Variants in ROCK2 observed in about 807,000 individuals in gnomAD.
ROCK2 encodes Rho associated coiled-coil containing protein kinase 2.
ROCK2 carries 61 observed loss-of-function variants against 195.1 expected under a neutral mutation model. The ratio of observed to expected loss-of-function variants is 0.31; its 90% CI spans 0.25 to 0.39. The LOEUF is 0.39. ROCK2 is among the 10% of genes least tolerant of loss of function. ROCK2 has a pLI of 1.00. For missense variants in ROCK2, 1,109 were observed against 1,637.4 expected (o/e 0.68, Z 5.57); for synonymous variants, 504 against 545.5 (o/e 0.92, Z 1.06).
At chr2:11,305,693 G>A (rs1347783405) in intron 1 of ROCK2, among the ~76,000 whole-genome samples, 1 of 152,132 alleles carries the variant, frequency 6.6e-6, no homozygotes, top group Non-Finnish European at 1.5e-5. Flanking sequence ...TGCCAAAAAG[G>A]AAGGAAGTGC....
chr2:11,291,529 C>A (rs752620637), intron 1 of ROCK2, among the ~76,000 whole-genome samples: 1 of 149,894 alleles, frequency 6.7e-6, no homozygotes, highest in Non-Finnish European at 1.5e-5. Context: ...CCAGCCTGAG[C>A]GACAGACCAA....
At chr2:11,254,529 T>C (rs1665951157) in intron 3 of ROCK2, among the ~76,000 whole-genome samples, 1 of 151,962 alleles carries the variant, frequency 6.6e-6, no homozygotes, top group Non-Finnish European at 1.5e-5. Context: ...GACCAACTGC[T>C]TTGGGGTTAT....
At chr2:11,305,127 A>G (rs1667815799) in intron 1 of ROCK2, among the ~76,000 whole-genome samples, 2 of 152,160 alleles carry the variant, frequency 1.3e-5, no homozygotes, top group Non-Finnish European at 2.9e-5. Flanking sequence ...TGTAATCCCA[A>G]CACTTTGGGA....
At chr2:11,211,593 A>T in intron 18 of ROCK2, 88 bp downstream of exon 18, 1 of 1,074,064 alleles carries the variant, frequency 9.3e-7, no homozygotes, top group Non-Finnish European at 1.3e-6. Flanking sequence ...AATGAAATAT[A>T]AAAAAAAATG....
rs964420657 is a variant in ROCK2, at chr2:11,321,384, G to A, written c.141+22612C>T. Among the ~76,000 whole-genome samples, 5 of 151,632 alleles carry A rather than the reference G, an allele frequency of 3.3e-5. No individual in the cohort carries two copies. The Middle Eastern group carries it at 0.01, about 312-fold the overall frequency. On this transcript the variant is annotated intron_variant, in intron 1 of 32. Coordinates refer to ENST00000315872, the MANE Select transcript of ROCK2 (RefSeq NM_004850.5). ...AGAGACAGGGTTTTTTGCCATGTTA[G>A]CCAGGTTGCTCTCGAACTCCTGCCC... is the stretch of plus-strand genomic sequence containing the variant.
intron 1 of ROCK2, among the ~76,000 whole-genome samples, chr2:11,340,071 C>T (rs1050479648): frequency 4.6e-5 from 7 of 152,198 alleles, no homozygotes; most frequent in Non-Finnish European, 1.0e-4. Flanking sequence ...TTTACAGCTA[C>T]TGAAGTGTAT....
In ROCK2 at chr2:11,192,444, C is replaced by T; in HGVS notation, c.3949+7G>A. The stretch of plus-strand genomic sequence containing the variant: ...AATATCGATGGAGCAAGTAATTTAT[C>T]ATTTACCTTTGCAAGGTGCTATAAT... On this transcript the variant is annotated splice_region_variant and intron_variant, in intron 31 of 32. Coordinates refer to ENST00000315872, the MANE Select transcript of ROCK2 (RefSeq NM_004850.5). This position sits in a 1 kb window ranked among gnomAD's most constrained non-coding sequence, Gnocchi z 5.0. 1 of 1,613,086 alleles carries T rather than the reference C, an allele frequency of 6.2e-7. No individual in the cohort carries two copies. The highest frequency in any genetic ancestry group is 8.5e-7 in the Non-Finnish European group (1 of 1,179,390).
At chr2:11,248,708 C>CAAGAAAAAA (rs1665713911) in intron 4 of ROCK2, among the ~76,000 whole-genome samples, 1 of 45,412 alleles carries the variant, frequency 2.2e-5, no homozygotes, top group Non-Finnish European at 3.4e-5. Context: ...GACTTCATCT[C>CAAGAAAAAA]AAAAAAAAAA....
At chr2:11,241,752 A>G (rs982272648) in intron 4 of ROCK2, among the ~76,000 whole-genome samples, 1 of 152,200 alleles carries the variant, frequency 6.6e-6, no homozygotes, top group Non-Finnish European at 1.5e-5. Flanking sequence ...ACACTATTAA[A>G]AAATCCATTC....
At position 11,183,170 on chromosome 2, in the gene ROCK2, G is replaced by A; in HGVS notation, c.*267C>T. On this transcript the variant is annotated 3_prime_UTR_variant, in exon 33 of 33. Transcript: ENST00000315872. The stretch of plus-strand genomic sequence containing the variant: ...GTGCATTGTAGTGTGAGCGACTGCC[G>A]AGAGAGCTTTATGGAAAAGTCTGGA... The A allele has an allele frequency of 2.8e-6, 1 of 352,068 alleles. No individual in the cohort carries two copies. Among genetic ancestry groups the A allele is most frequent in the Non-Finnish European group, 5.3e-6 (1 of 189,810 alleles). 21.8% of individuals were successfully genotyped at this position (352,068 alleles called of 1,614,324 possible).
rs140001953 is a variant in ROCK2 at position 11,322,214 on chromosome 2, A to G, written c.141+21782T>C. Among the ~76,000 whole-genome samples the G allele has an allele frequency of 9.9e-3, 1,503 of 152,296 alleles. 14 individuals carry two copies. The highest frequency in any genetic ancestry group is 0.044 in the Middle Eastern group (13 of 294). ...GCCAAAAACAAAACAAACAATGGTC[A>G]ATTTAGAATACTACACAAAACTATC... On this transcript the variant is annotated intron_variant, in intron 1 of 32. Transcript: ENST00000315872.
rs569672959 is a variant in ROCK2 at position 11,281,477 on chromosome 2, C to T, written c.324+5062G>A. Among the ~76,000 whole-genome samples the T allele has an allele frequency of 1.2e-3, 178 of 152,118 alleles. 3 individuals carry two copies. In the South Asian group the frequency reaches 0.036, roughly 31 times the overall value. On this transcript the variant is annotated intron_variant, in intron 3 of 32. Transcript: ENST00000315872. ...TATGTGATCATCTATGTAGAGGATT[C>T]GAAAGTTTCCTGGAACAAGTCATTA...
intron 1 of ROCK2, among the ~76,000 whole-genome samples, chr2:11,339,775 T>C (rs1385736640): frequency 6.6e-6 from 1 of 152,098 alleles, no homozygotes; most frequent in Non-Finnish European, 1.5e-5. Context: ...AATGTAGTAA[T>C]CTATGAAATG....
intron 1 of ROCK2, among the ~76,000 whole-genome samples, chr2:11,315,098 A>T (rs1285860286): frequency 6.6e-6 from 1 of 152,060 alleles, no homozygotes; most frequent in Non-Finnish European, 1.5e-5. Context: ...ACCTAAGACA[A>T]GTAATCAAGG....
At chr2:11,268,521 A>AGTGTGTGTGT (rs1558343608) in intron 3 of ROCK2, among the ~76,000 whole-genome samples, 3 of 73,764 alleles carry the variant, frequency 4.1e-5, no homozygotes, top group South Asian at 5.8e-4. Flanking sequence ...ACAGTTTTGC[A>AGTGTGTGTGT]CTGTGTGTGT....
At chr2:11,196,980 G>A (rs1386513395) in intron 27 of ROCK2, among the ~76,000 whole-genome samples, 200 bp downstream of exon 27, 1 of 152,032 alleles carries the variant, frequency 6.6e-6, no homozygotes, top group African/African-American at 2.4e-5. Flanking sequence ...TTTTTCTTTT[G>A]TATGTTTATG....
At position 11,192,332 on chromosome 2, in the gene ROCK2, G is replaced by T. The variant is rs1466357038; in HGVS notation, c.3979C>A (p.Leu1327Met). The T allele has an allele frequency of 6.2e-7, 1 of 1,612,988 alleles. No homozygotes were observed. Among genetic ancestry groups the T allele is most frequent in the Non-Finnish European group, 8.5e-7 (1 of 1,179,500 alleles). The change falls in exon 32 of 33, where the codon CTG (leucine) becomes ATG (methionine). Residue 1327 changes from leucine (L) to methionine (M), a missense_variant. Physicochemically the swap from Leu to Met is conservative, Grantham distance 15. This residue lies in a region of ROCK2 where 221 missense variants were observed against 355.1 expected (regional missense o/e 0.62). Transcript: ENST00000315872. This position sits in a 1 kb window ranked among gnomAD's most constrained non-coding sequence, Gnocchi z 5.0. ...TCTGTAGAATTTGCTAGTAATAACA[G>T]ATTCTTTGCCGTTGAAATATCATAA... ...VYYDISTAKN[L>M]LLLANSTEEQ...
At position 11,224,859 on chromosome 2, in the gene ROCK2, T is replaced by C. The variant is rs761348415; in HGVS notation, c.869-399A>G. ...ATTTTGAAATCATTCTCTAGAGATA[T>C]GTTATACAACACAGTTGCCACTAGC... is the stretch of plus-strand genomic sequence containing the variant. On this transcript the variant is annotated intron_variant, in intron 6 of 32. Transcript: ENST00000315872. Among the ~76,000 whole-genome samples, 16 of 152,148 alleles carry C rather than the reference T, an allele frequency of 1.1e-4. 1 individual carries two copies. Among genetic ancestry groups the C allele is most frequent in the Non-Finnish European group, 2.4e-4 (16 of 68,024 alleles).
chr2:11,329,100 C>CA (rs5829299), intron 1 of ROCK2, among the ~76,000 whole-genome samples: 97,843 of 149,818 alleles, frequency 0.65, 34,919 homozygotes, highest in East Asian at 0.9. Context: ...AAAAAAGAAA[C>CA]AAAAAAAAAT....
Sources: gnomAD v4.1 joint callset for allele counts (sites outside exome capture counted in the v4.1 genomes callset) on GRCh38, gnomAD v4.1.1 for gene constraint, gnomAD v4.1.1 regional missense constraint, Gnocchi (gnomAD v3.1) non-coding constraint, MANE v1.5 for transcripts, NCBI Gene and HGNC (gene_info 2026-07-23, HGNC 2026-07-21) for gene names.